The following CPPED1 variants were observed in gnomAD, a reference collection of about 807,000 sequenced individuals.
The protein encoded by CPPED1 is calcineurin like phosphoesterase domain containing 1, also known as serine/threonine-protein phosphatase CPPED1.
Under a neutral mutation model 28.0 loss-of-function variants are expected in CPPED1, and 28 were observed. The ratio of observed to expected loss-of-function variants is 1.00; its 90% CI spans 0.74 to 1.37. The LOEUF (loss-of-function observed/expected upper bound fraction) is 1.37, where lower values mean the gene tolerates loss of function less well. Among genes scored for constraint, CPPED1 ranks in the 40% most tolerant of loss-of-function variants. CPPED1 has a pLI of 0.00. For missense variants in CPPED1, 504 were observed against 416.5 expected, an observed-to-expected ratio of 1.21 and a Z score of -1.83; for synonymous variants, 198 against 180.2, an observed-to-expected ratio of 1.10 and a Z score of -0.79.
At position 12,682,508 on chromosome 16, in the gene CPPED1, G is replaced by A. The variant is rs1346183569; in HGVS notation, c.716-17393C>T. On this transcript the variant is annotated intron_variant, in intron 3 of 3. Transcript: ENST00000381774. This position sits in a 1 kb window ranked among gnomAD's most constrained non-coding sequence, Gnocchi z 6.1. The stretch of plus-strand genomic sequence containing the variant: ...CAGCCTGGGGTGGGAGCTAGGGGTT[G>A]GGAGACTCAGGCGTGAACCTCAGTT... Among the ~76,000 whole-genome samples, 4 of 152,150 alleles carry A rather than the reference G, an allele frequency of 2.6e-5. No individual in the cohort carries two copies. Among genetic ancestry groups the A allele is most frequent in the Non-Finnish European group, 5.9e-5 (4 of 68,032 alleles).
At chr16:12,697,079 C>G (rs1380612219) in intron 3 of CPPED1, among the ~76,000 whole-genome samples, 1 of 152,040 alleles carries the variant, frequency 6.6e-6, no homozygotes, top group African/African-American at 2.4e-5. Context: ...GATTGGAGTG[C>G]AGTGGCGCAA....
intron 2 of CPPED1, among the ~76,000 whole-genome samples, chr16:12,756,648 A>G (rs2080370960): frequency 6.6e-6 from 1 of 152,046 alleles, no homozygotes; most frequent in Non-Finnish European, 1.5e-5. Context: ...CAGAGGTTGC[A>G]GTGAGCCGAG....
intron 1 of CPPED1, among the ~76,000 whole-genome samples, chr16:12,794,714 G>A (rs938835274): frequency 2.6e-5 from 4 of 152,070 alleles, no homozygotes; most frequent in East Asian, 1.9e-4. Context: ...AGTTTCGGTC[G>A]GATCTTAGAG....
intron 3 of CPPED1, among the ~76,000 whole-genome samples, chr16:12,685,048 G>C (rs1596445059): frequency 6.6e-6 from 1 of 152,230 alleles, no homozygotes; most frequent in East Asian, 1.9e-4. Context: ...GGAAACTGGA[G>C]ACAGTGGAAC....
At chr16:12,727,179 T>G (rs1037817439) in intron 2 of CPPED1, among the ~76,000 whole-genome samples, 3 of 152,180 alleles carry the variant, frequency 2.0e-5, no homozygotes, top group Non-Finnish European at 4.4e-5. Flanking sequence ...ATAGAGGGGT[T>G]TTAGACACTG....
intron 2 of CPPED1, among the ~76,000 whole-genome samples, chr16:12,714,350 T>C (rs1389026973): frequency 6.6e-6 from 1 of 152,228 alleles, no homozygotes; most frequent in African/African-American, 2.4e-5. Context: ...TATATGTGTT[T>C]ACTTCTTTAA....
chr16:12,748,742 T>C (rs1316892406), intron 2 of CPPED1, among the ~76,000 whole-genome samples: 1 of 151,716 alleles, frequency 6.6e-6, no homozygotes, highest in Admixed American at 6.6e-5. Flanking sequence ...AATTAGCCGG[T>C]TGTGGTGGTG....
intron 3 of CPPED1, among the ~76,000 whole-genome samples, chr16:12,686,462 T>C (rs2079934072): frequency 6.6e-6 from 1 of 152,216 alleles, no homozygotes; most frequent in Admixed American, 6.5e-5. Context: ...GCAGAGGGTT[T>C]CTTTGTCAGG....
At chr16:12,755,600 G>A (rs1476944450) in intron 2 of CPPED1, among the ~76,000 whole-genome samples, 1 of 152,052 alleles carries the variant, frequency 6.6e-6, no homozygotes, top group Admixed American at 6.6e-5. Flanking sequence ...GTATCTTTAT[G>A]TGTCTACTTG....
intron 1 of CPPED1, among the ~76,000 whole-genome samples, chr16:12,801,242 T>A (rs2080657671): frequency 6.6e-6 from 1 of 152,138 alleles, no homozygotes; most frequent in African/African-American, 2.4e-5. Context: ...TACAGGCATG[T>A]GCCACCACAC....
At chr16:12,690,185 G>T (rs936267001) in intron 3 of CPPED1, among the ~76,000 whole-genome samples, 1 of 152,130 alleles carries the variant, frequency 6.6e-6, no homozygotes, top group Non-Finnish European at 1.5e-5. Context: ...GTCTGCGGGG[G>T]TGGGTACAGA....
chr16:12,707,614 G>A (rs948074726), intron 2 of CPPED1, among the ~76,000 whole-genome samples: 23 of 152,100 alleles, frequency 1.5e-4, no homozygotes, highest in African/African-American at 5.3e-4. Context: ...AAAAATGTCC[G>A]AATCCCTAAT....
chr16:12,731,583 C>G (rs1284122249), intron 2 of CPPED1, among the ~76,000 whole-genome samples: 1 of 151,860 alleles, frequency 6.6e-6, no homozygotes, highest in Admixed American at 6.6e-5. Context: ...TCTGGGGAAT[C>G]TGAGAGCCAA....
At chr16:12,696,544 T>A (rs1296068225) in intron 3 of CPPED1, among the ~76,000 whole-genome samples, 1 of 149,440 alleles carries the variant, frequency 6.7e-6, no homozygotes, top group Non-Finnish European at 1.5e-5. Context: ...CAGGTTCAAG[T>A]GATTCTCGTG....
intron 2 of CPPED1, among the ~76,000 whole-genome samples, chr16:12,733,278 T>C (rs1403228128): frequency 7.0e-6 from 1 of 142,402 alleles, no homozygotes; most frequent in African/African-American, 2.9e-5. Context: ...TTAGGAATTT[T>C]TTTTTTTTTT....
intron 3 of CPPED1, among the ~76,000 whole-genome samples, chr16:12,673,144 C>G (rs1341078484): frequency 6.6e-6 from 1 of 152,192 alleles, no homozygotes; most frequent in Non-Finnish European, 1.5e-5. Context: ...CAGGTTGCAG[C>G]TGGGACTGCT....
chr16:12,753,082 A>C (rs1339095062), intron 2 of CPPED1: 1 of 152,056 alleles, frequency 6.6e-6, no homozygotes. Context: ...GTGTGAATTT[A>C]TGATCTAAAT....
Position 12,660,130 on chromosome 16 carries a change from C to T in CPPED1, c.*4756G>A, listed in dbSNP as rs1384409990. 6.6e-6 allele frequency: 1 copy of T among 152,104 alleles called. No homozygotes were observed. Among genetic ancestry groups the T allele is most frequent in the Admixed American group, 6.5e-5 (1 of 15,270 alleles). 9.4% of individuals were successfully genotyped at this position (152,104 alleles called of 1,614,324 possible). A position where few individuals can be genotyped will look rare whatever the true frequency, so the allele number is the denominator to read the frequency against. ...ATTTGGGTGGAGACACAGAGCCAAA[C>T]CATATCAAGCAGGAAGGCCACTTTC... On this transcript the variant is annotated 3_prime_UTR_variant, in exon 4 of 4. Transcript: ENST00000381774.
At chr16:12,746,373 CAA>C (rs71142518) in intron 2 of CPPED1, among the ~76,000 whole-genome samples, 13 of 105,526 alleles carry the variant, frequency 1.2e-4, no homozygotes, top group African/African-American at 3.0e-4. Context: ...GACTCTGACT[CAA>C]AAAAAAAAAA....
Sources: allele counts gnomAD v4.1 joint callset (sites outside exome capture counted in the v4.1 genomes callset), GRCh38; gene constraint gnomAD v4.1.1; non-coding constraint Gnocchi (gnomAD v3.1); transcripts MANE v1.5; gene names NCBI Gene and HGNC (gene_info 2026-07-23, HGNC 2026-07-21).